ACO2: variants seen among roughly 807,000 people sequenced by gnomAD.
ACO2 encodes the protein aconitase 2.
In ACO2, 31 loss-of-function variants were observed where a neutral mutation model predicts 84.5. The observed-to-expected ratio is 0.37, with a 90% CI of 0.28 to 0.50. The LOEUF is 0.50. Ranked by LOEUF, ACO2 falls within the 20% of genes least tolerant of loss-of-function variation. ACO2 has a pLI of 0.97. For synonymous variants in ACO2, 414 were observed against 412.7 expected, an observed-to-expected ratio of 1.00 and a Z score of -0.04; for missense variants, 685 against 1,029.3, an observed-to-expected ratio of 0.67 and a Z score of 4.58.
In ACO2 at chr22:41,527,341, G is replaced by C. The variant is rs757964630; in HGVS notation, c.2007G>C (p.Ser669=). ...VIGDENYGEG[S]SREHAALEPR... is the part of the protein sequence containing the mutation. Reference sequence around the variant, plus strand: ...GAGACGAGAACTACGGCGAGGGCTCGAGCCGGGAGCATGCAGCTCTGGAGC... The same window carrying C: ...GAGACGAGAACTACGGCGAGGGCTCCAGCCGGGAGCATGCAGCTCTGGAGC... The change falls in exon 16 of 18, where the codon TCG becomes TCC. Residue 669 remains serine, a synonymous_variant. Coordinates refer to ENST00000216254, the MANE Select transcript of ACO2 (RefSeq NM_001098.3). The C allele has an allele frequency of 4.3e-6, 7 of 1,614,024 alleles. No homozygotes were observed. The highest frequency in any genetic ancestry group is 1.3e-5 in the African/African-American group (1 of 74,934).
intron 1 of ACO2, among the ~76,000 whole-genome samples, chr22:41,487,099 G>C (rs1195314862): frequency 6.6e-6 from 1 of 152,004 alleles, no homozygotes. Context: ...GACCAGGCTG[G>C]TCTCGAACTC....
chr22:41,523,078 GC>G, intron 10 of ACO2, 91 bp downstream of exon 10: 12 of 1,571,172 alleles, frequency 7.6e-6, no homozygotes, highest in Non-Finnish European at 9.5e-6. Flanking sequence ...TTGGGCCGGG[GC>G]TGGGGCAGGT....
intron 11 of ACO2, 82 bp from the exon 12 acceptor site, chr22:41,523,748 C>T (rs1006864008): frequency 9.2e-6 from 12 of 1,305,918 alleles, no homozygotes; most frequent in Admixed American, 1.7e-5. Flanking sequence ...GGCTGCGCCA[C>T]AGGAACCCAG....
In ACO2 at chr22:41,523,260, G is replaced by A; in HGVS notation, c.1352G>A (p.Cys451Tyr). The A allele has an allele frequency of 6.2e-7, 1 of 1,612,000 alleles. No homozygotes were observed. Residue 451 changes from cysteine to tyrosine, a missense_variant, in exon 11 of 18, where the codon TGC becomes TAC. Cys to Tyr is a radical substitution (Grantham distance 194). Coordinates refer to ENST00000216254, the MANE Select transcript of ACO2 (RefSeq NM_001098.3). ...GTCCTGGCCAATGCTTGTGGCCCCTGCATTGGCCAGTGGGACAGGTAAGAG... is the reference window on the plus strand; with the variant it reads ...GTCCTGGCCAATGCTTGTGGCCCCTACATTGGCCAGTGGGACAGGTAAGAG... ...GIVLANACGP[C>Y]IGQWDRKDIK... is the part of the protein sequence containing the mutation.
At chr22:41,525,153 G>A (rs906565159) in intron 13 of ACO2, 40 bp from the exon 14 acceptor site, 1 of 1,607,786 alleles carries the variant, frequency 6.2e-7, no homozygotes, top group Non-Finnish European at 8.5e-7. Flanking sequence ...TGTGGGAACT[G>A]AGGACTCAGC....
chr22:41,497,837 C>G (rs2066325897), intron 1 of ACO2, among the ~76,000 whole-genome samples: 1 of 151,410 alleles, frequency 6.6e-6, no homozygotes, highest in Non-Finnish European at 1.5e-5. Flanking sequence ...GAGCCAAGAT[C>G]ATGCCACTGC....
intron 15 of ACO2, 196 bp from the exon 16 acceptor site, chr22:41,527,092 C>T (rs553740395): frequency 3.3e-5 from 24 of 737,146 alleles, no homozygotes; most frequent in African/African-American, 1.4e-4. Context: ...TCTGTCCCCT[C>T]GGGGCCTCGT....
chr22:41,474,060 G>A (rs1456869837), intron 1 of ACO2, among the ~76,000 whole-genome samples: 1 of 152,110 alleles, frequency 6.6e-6, no homozygotes, highest in Non-Finnish European at 1.5e-5. Context: ...GAGGAGGCAG[G>A]GAGACCAGTG....
At chr22:41,507,751 C>T (rs531571885) in intron 2 of ACO2, 40 bp from the exon 3 acceptor site, 1 of 1,589,206 alleles carries the variant, frequency 6.3e-7, no homozygotes, top group African/African-American at 1.3e-5. Flanking sequence ...GGAGGCCGTG[C>T]AGCTAGCACC....
At chr22:41,491,016 A>G (rs1384210144) in intron 1 of ACO2, among the ~76,000 whole-genome samples, 1 of 152,010 alleles carries the variant, frequency 6.6e-6, no homozygotes, top group African/African-American at 2.4e-5. Flanking sequence ...TAAAGGGCAT[A>G]TATAATAGGA....
chr22:41,490,308 A>G (rs2146095311), intron 1 of ACO2, among the ~76,000 whole-genome samples: 1 of 152,378 alleles, frequency 6.6e-6, no homozygotes, highest in South Asian at 2.1e-4. Flanking sequence ...CCTGGGCGAC[A>G]GAGCAAGACT....
intron 10 of ACO2, 40 bp downstream of exon 10, chr22:41,523,027 T>C: frequency 6.2e-7 from 1 of 1,608,300 alleles, no homozygotes; most frequent in Non-Finnish European, 8.5e-7. Context: ...CCCCACCCCA[T>C]GCTGAGTAAT....
chr22:41,472,744 A>G (rs1341528207), intron 1 of ACO2, among the ~76,000 whole-genome samples: 1 of 152,172 alleles, frequency 6.6e-6, no homozygotes, highest in Non-Finnish European at 1.5e-5. Flanking sequence ...CACTGCAACC[A>G]GCTAAGGAGG....
chr22:41,503,994 A>C (rs1359213975), intron 2 of ACO2, among the ~76,000 whole-genome samples: 2 of 152,082 alleles, frequency 1.3e-5, no homozygotes, highest in Non-Finnish European at 2.9e-5. Flanking sequence ...CAGGCGGATC[A>C]CTTAAGGCCA....
intron 17 of ACO2, 101 bp from the exon 18 acceptor site, chr22:41,528,378 C>A: frequency 1.3e-6 from 2 of 1,510,596 alleles, no homozygotes; most frequent in South Asian, 2.6e-5. Flanking sequence ...GCCTGCTGAC[C>A]TCTTAGGTCC....
intron 14 of ACO2, chr22:41,525,812 C>CAG (rs1301395238): frequency 4.9e-6 from 1 of 204,188 alleles, no homozygotes. Context: ...TTGGTGTGGC[C>CAG]AGAGGCCTCC....
Position 41,523,914 on chromosome 22 carries a change from G to A in ACO2, c.1455G>A (p.Glu485=), listed in dbSNP as rs1237483884. 3 of 1,612,982 alleles carry A rather than the reference G, an allele frequency of 1.9e-6. No homozygotes were observed. Among genetic ancestry groups the A allele is most frequent in the Admixed American group, 1.7e-5 (1 of 60,004 alleles). ...NFTGRNDANP[E]THAFVTSPEI... is the part of the protein sequence containing the mutation. ...CGGGCCGCAACGACGCAAACCCCGAGACCCATGCCTTTGTCACGTCCCCAG... is the reference window on the plus strand; with the variant it reads ...CGGGCCGCAACGACGCAAACCCCGAAACCCATGCCTTTGTCACGTCCCCAG... Residue 485 remains glutamate (E), a synonymous_variant, in exon 12 of 18, where the codon GAG becomes GAA. Coordinates refer to ENST00000216254, the MANE Select transcript of ACO2 (RefSeq NM_001098.3).
chr22:41,523,117 C>A, intron 10 of ACO2, 88 bp from the exon 11 acceptor site: 1 of 1,537,408 alleles, frequency 6.5e-7, no homozygotes, highest in Non-Finnish European at 8.9e-7. Flanking sequence ...GGTTCCAGTA[C>A]AGCACTTCGT....
Position 41,515,924 on chromosome 22 carries a change from A to G in ACO2, c.835+7A>G, listed in dbSNP as rs1192516520. 1 of 1,613,156 alleles carries G rather than the reference A, an allele frequency of 6.2e-7. No individual in the cohort carries two copies. The highest frequency in any genetic ancestry group is 8.5e-7 in the Non-Finnish European group (1 of 1,179,526). On this transcript the variant is annotated splice_region_variant and intron_variant, in intron 6 of 17. Transcript: ENST00000216254. The surrounding 1 kb of genome is among the most constrained non-coding windows in gnomAD (Gnocchi z 5.8). ...GACTCCATCTCCTGCACTGGTGAGGAAGGCGGCCAGGCGACGTGGCCCCTA... is the reference window on the plus strand; with the variant it reads ...GACTCCATCTCCTGCACTGGTGAGGGAGGCGGCCAGGCGACGTGGCCCCTA...
Sources: allele counts gnomAD v4.1 joint callset (sites outside exome capture counted in the v4.1 genomes callset), GRCh38; gene constraint gnomAD v4.1.1; non-coding constraint Gnocchi (gnomAD v3.1); transcripts MANE v1.5; gene names NCBI Gene and HGNC (gene_info 2026-07-23, HGNC 2026-07-21).